C3orf52: variants seen among roughly 807,000 people sequenced by gnomAD.
C3orf52 encodes the protein chromosome 3 open reading frame 52.
In C3orf52, 22 loss-of-function variants were observed where a neutral mutation model predicts 24.8. The observed-to-expected ratio is 0.89, with a 90% CI of 0.63 to 1.27. C3orf52 has a LOEUF of 1.27. Ranked by LOEUF, C3orf52 falls within the 50% of genes most tolerant of loss-of-function variation. The pLI is 0.00. For synonymous variants in C3orf52, 93 were observed against 100.2 expected, an observed-to-expected ratio of 0.93 and a Z score of 0.43; for missense variants, 265 against 260.7, an observed-to-expected ratio of 1.02 and a Z score of -0.11.
chr3:112,101,111 G>A (rs772499791), intron 2 of C3orf52, among the ~76,000 whole-genome samples: 3 of 152,010 alleles, frequency 2.0e-5, no homozygotes, highest in South Asian at 2.1e-4. Context: ...AATTAAGGAC[G>A]CAGGGATAAT....
In C3orf52 at chr3:112,117,015, T is replaced by A; in HGVS notation, c.*369T>A. 1 of 1,234,408 alleles carries A rather than the reference T, an allele frequency of 8.1e-7. No individual in the cohort carries two copies. The highest frequency in any genetic ancestry group is 1.1e-6 in the Non-Finnish European group (1 of 890,914). The allele number at this position is 1,234,408 out of a possible 1,614,324, so 76.5% of individuals were successfully genotyped here. ...GTCGCTTAGCTGGAGTGCGGTGGCGTGATCATGGCACTGCTATTCTTGAAG... is the reference window on the plus strand; with the variant it reads ...GTCGCTTAGCTGGAGTGCGGTGGCGAGATCATGGCACTGCTATTCTTGAAG... On this transcript the variant is annotated 3_prime_UTR_variant, in exon 6 of 6. Coordinates refer to ENST00000264848, the MANE Select transcript of C3orf52 (RefSeq NM_024616.3).
intron 5 of C3orf52, 54 bp downstream of exon 5, chr3:112,113,199 A>T: frequency 6.9e-7 from 1 of 1,453,692 alleles, no homozygotes; most frequent in African/African-American, 1.4e-5. Context: ...GGTGAACCAG[A>T]TTGGGGTCAA....
chr3:112,114,501 C>T (rs980053027), intron 5 of C3orf52, among the ~76,000 whole-genome samples: 11 of 151,350 alleles, frequency 7.3e-5, no homozygotes, highest in African/African-American at 2.2e-4. Flanking sequence ...GTCAGGAGTT[C>T]GAGACAAGCC....
downstream of C3orf52, chr3:112,119,372 T>TAACA (rs61174992): frequency 8.0e-3 from 5,438 of 681,602 alleles, 49 homozygotes; most frequent in African/African-American, 0.034. Context: ...TGAAACTCCA[T>TAACA]AACAAACAAA....
intron 1 of C3orf52, among the ~76,000 whole-genome samples, chr3:112,092,468 C>T (rs1175497843): frequency 6.6e-6 from 1 of 152,078 alleles, no homozygotes; most frequent in Admixed American, 6.5e-5. Context: ...AGGTGGGGGC[C>T]CCTCTGTGAC....
At chr3:112,133,350 C>T (rs1357167233), downstream of C3orf52, 1 of 472,646 alleles carries the variant, frequency 2.1e-6, no homozygotes. Context: ...CCTGAACCAA[C>T]CTGGCTGTTG....
At chr3:112,113,549 C>T (rs1463530250) in intron 5 of C3orf52, among the ~76,000 whole-genome samples, 1 of 152,154 alleles carries the variant, frequency 6.6e-6, no homozygotes, top group Non-Finnish European at 1.5e-5. Flanking sequence ...ATAAATGATA[C>T]AGCTAAATTG....
chr3:112,105,038 T>C (rs965006541), intron 3 of C3orf52, among the ~76,000 whole-genome samples: 4 of 152,202 alleles, frequency 2.6e-5, no homozygotes, highest in Non-Finnish European at 5.9e-5. Flanking sequence ...TGAATGTTCA[T>C]TTTTCATTTT....
exon 5 of C3orf52, chr3:112,128,542 G>A: frequency 3.5e-6 from 1 of 282,084 alleles, no homozygotes; most frequent in Non-Finnish European, 7.0e-6. Context: ...TCACAAAGCT[G>A]GGGACCATAT....
chr3:112,090,022 C>G (rs893354839), intron 1 of C3orf52, among the ~76,000 whole-genome samples: 1 of 152,222 alleles, frequency 6.6e-6, no homozygotes, highest in Admixed American at 6.5e-5. Context: ...TGTGTGGCCT[C>G]TCCTCACGAT....
intron 1 of C3orf52, 92 bp from the exon 2 acceptor site, chr3:112,093,268 C>T (rs1419171882): frequency 3.6e-6 from 5 of 1,381,160 alleles, no homozygotes; most frequent in Non-Finnish European, 4.0e-6. Flanking sequence ...GGTCTTGCTG[C>T]CTTCATTTCT....
At chr3:112,095,245 A>C (rs1466841551) in intron 2 of C3orf52, among the ~76,000 whole-genome samples, 1 of 152,194 alleles carries the variant, frequency 6.6e-6, no homozygotes, top group Admixed American at 6.5e-5. Flanking sequence ...TGCTGAGGAC[A>C]ATAGTTTTGG....
chr3:112,129,771 C>T (rs1310052122), downstream of C3orf52: 1 of 152,158 alleles, frequency 6.6e-6, no homozygotes, highest in Non-Finnish European at 1.5e-5. Context: ...AAAATAACAA[C>T]AGTGCTTGTT....
intron 4 of C3orf52, chr3:112,126,919 T>C (rs1576165087): frequency 9.3e-7 from 1 of 1,075,796 alleles, no homozygotes; most frequent in East Asian, 2.4e-5. Context: ...TTTGGGAACA[T>C]AGAGAAGAAG....
chr3:112,105,007 ACTGT>A (rs1300126876), intron 3 of C3orf52, among the ~76,000 whole-genome samples: 2 of 152,172 alleles, frequency 1.3e-5, no homozygotes, highest in Non-Finnish European at 2.9e-5. Flanking sequence ...TGCATAGTAG[ACTGT>A]CTATTTCAAA....
At chr3:112,130,175 A>C, downstream of C3orf52, 1 of 430,452 alleles carries the variant, frequency 2.3e-6, no homozygotes, top group Non-Finnish European at 4.2e-6. Flanking sequence ...AGGAAATAAG[A>C]CCTTTTATTT....
chr3:112,093,294 C>T, intron 1 of C3orf52, 66 bp from the exon 2 acceptor site: 2 of 1,560,178 alleles, frequency 1.3e-6, no homozygotes, highest in Non-Finnish European at 1.8e-6. Context: ...TCTGGCACAT[C>T]CTAGGTATTC....
Position 112,116,992 on chromosome 3 carries a change from C to A in C3orf52, c.*346C>A, listed in dbSNP as rs754486018. On this transcript the variant is annotated 3_prime_UTR_variant, in exon 6 of 6. Transcript: ENST00000264848. ...TTTTTGAGACAGGGTCTCGTTCTGT[C>A]GCTTAGCTGGAGTGCGGTGGCGTGA... 6.9e-7 allele frequency: 1 copy of A among 1,447,806 alleles called. No homozygotes were observed. Among genetic ancestry groups the A allele is most frequent in the Non-Finnish European group, 9.3e-7 (1 of 1,074,532 alleles). The allele number at this position is 1,447,806 out of a possible 1,614,324, so 89.7% of individuals were successfully genotyped here.
At chr3:112,125,545 C>T (rs573429897) in intron 4 of C3orf52, among the ~76,000 whole-genome samples, 2 of 152,306 alleles carry the variant, frequency 1.3e-5, no homozygotes, top group African/African-American at 4.8e-5. Flanking sequence ...TACCTAGCCC[C>T]GTCTCCTTCC....
Sources: allele counts gnomAD v4.1 joint callset (sites outside exome capture counted in the v4.1 genomes callset), GRCh38; gene constraint gnomAD v4.1.1; transcripts MANE v1.5; gene names NCBI Gene and HGNC (gene_info 2026-07-23, HGNC 2026-07-21).